The following HABP4 variants were observed in gnomAD, a reference collection of about 807,000 sequenced individuals.
HABP4 encodes the protein intracellular hyaluronan-binding protein 4.
A neutral mutation model predicts 44.1 loss-of-function variants in HABP4; 32 were observed. That is an observed-to-expected ratio of 0.73 (90% CI 0.55 to 0.97). The LOEUF is 0.97. Among genes scored for constraint, HABP4 ranks in the 50% least tolerant of loss-of-function variants. HABP4 has a pLI of 0.00. For synonymous variants in HABP4, 216 were observed against 218.0 expected, an observed-to-expected ratio of 0.99 and a Z score of 0.08; for missense variants, 503 against 561.9, an observed-to-expected ratio of 0.90 and a Z score of 1.06.
At chr9:96,473,613 T>A (rs553720383) in intron 5 of HABP4, among the ~76,000 whole-genome samples, 2 of 152,132 alleles carry the variant, frequency 1.3e-5, no homozygotes, top group African/African-American at 2.4e-5. Flanking sequence ...TGTCCCCTGT[T>A]CTGACCTGCA....
intron 2 of HABP4, 27 bp downstream of exon 2, chr9:96,458,568 G>C (rs773803487): frequency 6.6e-7 from 1 of 1,525,210 alleles, no homozygotes; most frequent in South Asian, 1.2e-5. Context: ...TCAGCAGGGC[G>C]GGTGGGGAAC....
chr9:96,476,365 A>G (rs1475706471), intron 5 of HABP4, among the ~76,000 whole-genome samples: 2 of 152,240 alleles, frequency 1.3e-5, no homozygotes, highest in East Asian at 3.8e-4. Flanking sequence ...AAATAAAGGG[A>G]ACTGTGGTTA....
chr9:96,471,884 A>G (rs529737806), intron 5 of HABP4, among the ~76,000 whole-genome samples: 1 of 152,150 alleles, frequency 6.6e-6, no homozygotes, highest in African/African-American at 2.4e-5. Flanking sequence ...TCCACCTCCC[A>G]GATTCAAGCA....
At chr9:96,455,141 A>G (rs1832351791) in intron 1 of HABP4, among the ~76,000 whole-genome samples, 1 of 151,876 alleles carries the variant, frequency 6.6e-6, no homozygotes. Flanking sequence ...CATTATCTTG[A>G]TATGTCTGCA....
At chr9:96,486,314 G>A (rs1674124396) in intron 6 of HABP4, among the ~76,000 whole-genome samples, 1 of 152,206 alleles carries the variant, frequency 6.6e-6, no homozygotes, top group South Asian at 2.1e-4. Context: ...TGTAGACATA[G>A]GCGGCCGGAG....
chr9:96,478,279 C>T (rs1832816260), intron 5 of HABP4, among the ~76,000 whole-genome samples: 1 of 151,944 alleles, frequency 6.6e-6, no homozygotes, highest in South Asian at 2.1e-4. Flanking sequence ...ATTACAGGCG[C>T]CCGCCACTAC....
intron 6 of HABP4, among the ~76,000 whole-genome samples, chr9:96,485,508 G>A (rs918653111): frequency 2.6e-5 from 4 of 152,338 alleles, no homozygotes; most frequent in Middle Eastern, 3.4e-3. Context: ...CTGCCACAGC[G>A]GCCAGCGTGC....
chr9:96,472,950 C>G (rs191512057), intron 5 of HABP4, among the ~76,000 whole-genome samples: 1 of 152,216 alleles, frequency 6.6e-6, no homozygotes, highest in Non-Finnish European at 1.5e-5. Flanking sequence ...AACGTGCTCT[C>G]CTGTTGGTTT....
At chr9:96,466,950 T>C (rs1366004927) in intron 4 of HABP4, among the ~76,000 whole-genome samples, 1 of 141,142 alleles carries the variant, frequency 7.1e-6, no homozygotes, top group Non-Finnish European at 1.5e-5. Context: ...TGAGACGGAG[T>C]CTTGCTCTGT....
chr9:96,463,587 G>GT (rs1832545490), intron 2 of HABP4, among the ~76,000 whole-genome samples: 1 of 152,196 alleles, frequency 6.6e-6, no homozygotes, highest in African/African-American at 2.4e-5. Context: ...TTAGGATCAG[G>GT]TTTTGCTTTA....
chr9:96,486,799 G>A (rs765918945), intron 6 of HABP4, among the ~76,000 whole-genome samples: 4 of 152,020 alleles, frequency 2.6e-5, no homozygotes, highest in African/African-American at 4.8e-5. Context: ...GGCACTGGGC[G>A]GTGAAAGCAC....
Position 96,490,122 on chromosome 9 carries a change from T to G in HABP4, c.*84T>G, listed in dbSNP as rs1564171958. On this transcript the variant is annotated 3_prime_UTR_variant, in exon 8 of 8. Coordinates refer to ENST00000375249, the MANE Select transcript of HABP4 (RefSeq NM_014282.4). ...CAGCTGGGCCAAGGGAGTCAGACTC[T>G]AAGAACAATAGATGTTGCTTTTCCC... The G allele has an allele frequency of 1.2e-6, 1 of 835,952 alleles. No individual in the cohort carries two copies. Among genetic ancestry groups the G allele is most frequent in the Non-Finnish European group, 2.1e-6 (1 of 475,942 alleles). The allele number at this position is 835,952 out of a possible 1,614,324, so 51.8% of individuals were successfully genotyped here.
At chr9:96,469,955 G>C (rs1832665250) in intron 4 of HABP4, among the ~76,000 whole-genome samples, 1 of 151,974 alleles carries the variant, frequency 6.6e-6, no homozygotes, top group African/African-American at 2.4e-5. Context: ...TTATAAAATA[G>C]GTCAACATAG....
chr9:96,489,369 T>G (rs1833037434), intron 7 of HABP4, among the ~76,000 whole-genome samples: 1 of 152,256 alleles, frequency 6.6e-6, no homozygotes, highest in African/African-American at 2.4e-5. Flanking sequence ...TGTCCCCACC[T>G]CCACAACCTG....
chr9:96,487,295 T>G (rs555251159), intron 6 of HABP4, among the ~76,000 whole-genome samples: 1 of 152,328 alleles, frequency 6.6e-6, no homozygotes, highest in East Asian at 1.9e-4. Context: ...TGTAGGTTTT[T>G]ACTTTACTTA....
intron 7 of HABP4, among the ~76,000 whole-genome samples, chr9:96,489,324 T>C (rs1833036269): frequency 6.6e-6 from 1 of 152,142 alleles, no homozygotes; most frequent in Non-Finnish European, 1.5e-5. Flanking sequence ...GAAACCACTC[T>C]GAGATCCAGT....
At chr9:96,476,281 A>C in intron 5 of HABP4, among the ~76,000 whole-genome samples, 1 of 152,330 alleles carries the variant, frequency 6.6e-6, no homozygotes, top group East Asian at 1.9e-4. Flanking sequence ...TGATATCATG[A>C]AATAATATAA....
In HABP4 at chr9:96,450,214, G is replaced by C; in HGVS notation, c.-66G>C. ...GGCGGAGCGGGCGGCATGGGTCCTGGCCGCCGGCTTCGCTGAGACGCGCTC... is the reference window on the plus strand; with the variant it reads ...GGCGGAGCGGGCGGCATGGGTCCTGCCCGCCGGCTTCGCTGAGACGCGCTC... On this transcript the variant is annotated 5_prime_UTR_variant, in exon 1 of 8. Coordinates refer to ENST00000375249, the MANE Select transcript of HABP4 (RefSeq NM_014282.4). This position sits in a 1 kb window ranked among gnomAD's most constrained non-coding sequence, Gnocchi z 4.8. The C allele has an allele frequency of 7.8e-7, 1 of 1,277,552 alleles. No individual in the cohort carries two copies. Among genetic ancestry groups the C allele is most frequent in the South Asian group, 2.1e-5 (1 of 47,250 alleles). The allele number at this position is 1,277,552 out of a possible 1,614,324, so 79.1% of individuals were successfully genotyped here.
At chr9:96,469,773 G>T (rs997227106) in intron 4 of HABP4, among the ~76,000 whole-genome samples, 9 of 152,060 alleles carry the variant, frequency 5.9e-5, no homozygotes, top group Admixed American at 4.6e-4. Context: ...CTTCTGCCTC[G>T]GCCTCCCAAA....
Sources: gnomAD v4.1 joint callset for allele counts (sites outside exome capture counted in the v4.1 genomes callset) on GRCh38, gnomAD v4.1.1 for gene constraint, Gnocchi (gnomAD v3.1) non-coding constraint, MANE v1.5 for transcripts, NCBI Gene and HGNC (gene_info 2026-07-23, HGNC 2026-07-21) for gene names.